PODXL: variants seen among roughly 807,000 people sequenced by gnomAD.
PODXL encodes podocalyxin like.
PODXL carries 20 observed loss-of-function variants against 48.9 expected under a neutral mutation model. The ratio of observed to expected loss-of-function variants is 0.41; its 90% CI spans 0.29 to 0.59. The LOEUF (loss-of-function observed/expected upper bound fraction) is 0.59, where lower values mean the gene tolerates loss of function less well. Ranked by LOEUF, PODXL falls within the 20% of genes least tolerant of loss-of-function variation. The pLI, the probability that PODXL is intolerant of heterozygous loss-of-function variation, is 0.31. For synonymous variants in PODXL, 295 were observed against 287.4 expected, an observed-to-expected ratio of 1.03 and a Z score of -0.27; for missense variants, 606 against 675.1, an observed-to-expected ratio of 0.90 and a Z score of 1.13.
Position 131,506,242 on chromosome 7 carries a change from A to T in PODXL, c.1311+18T>A. The T allele has an allele frequency of 6.2e-7, 1 of 1,613,452 alleles. No homozygotes were observed. Among genetic ancestry groups the T allele is most frequent in the Non-Finnish European group, 8.5e-7 (1 of 1,179,462 alleles). ...GGCTTCGGAGCCACTCTGTCCCCAC[A>T]CTTGGGGGGCCGCTTACCTCCTTTA... On this transcript the variant is annotated intron_variant, in intron 7 of 8. Coordinates refer to ENST00000378555, the MANE Select transcript of PODXL (RefSeq NM_001018111.3).
At position 131,506,246 on chromosome 7, in the gene PODXL, G is replaced by C. The variant is rs1279263781; in HGVS notation, c.1311+14C>G. ...TCGGAGCCACTCTGTCCCCACACTT[G>C]GGGGGCCGCTTACCTCCTTTAGTTC... On this transcript the variant is annotated intron_variant, in intron 7 of 8. Coordinates refer to ENST00000378555, the MANE Select transcript of PODXL (RefSeq NM_001018111.3). 6.2e-7 allele frequency: 1 copy of C among 1,613,242 alleles called. No homozygotes were observed. The highest frequency in any genetic ancestry group is 8.5e-7 in the Non-Finnish European group (1 of 1,179,154).
In PODXL at chr7:131,535,442, GCT is replaced by G. The variant is rs1228110675; in HGVS notation, c.100+20816_100+20817del. Among the ~76,000 whole-genome samples, 3 of 152,330 alleles carry G rather than the reference GCT, an allele frequency of 2.0e-5. No individual in the cohort carries two copies. The East Asian group carries it at 5.8e-4, about 29-fold the overall frequency. ...TGGGACACCAGTGTGACTGGGGGCAGCTTTCTCTCCATGGCCCTGTGTGCAGG... is the reference window on the plus strand; with the variant it reads ...TGGGACACCAGTGTGACTGGGGGCAGTTCTCTCCATGGCCCTGTGTGCAGG... On this transcript the variant is annotated intron_variant, in intron 1 of 8. Transcript: ENST00000378555.
chr7:131,548,265 G>T (rs1798613731), intron 1 of PODXL, among the ~76,000 whole-genome samples: 1 of 152,234 alleles, frequency 6.6e-6, no homozygotes, highest in African/African-American at 2.4e-5. Context: ...TCCAAGGTTT[G>T]CAGGGACCAG....
intron 1 of PODXL, among the ~76,000 whole-genome samples, chr7:131,555,121 ACTGCCCTT>A: frequency 6.6e-6 from 1 of 152,252 alleles, no homozygotes. Context: ...GAGAGACTGT[ACTGCCCTT>A]CCATCTCCCC....
At chr7:131,507,730 G>T (rs1356937912) in intron 5 of PODXL, among the ~76,000 whole-genome samples, 1 of 151,892 alleles carries the variant, frequency 6.6e-6, no homozygotes, top group African/African-American at 2.4e-5. Context: ...CCAAAAAGAG[G>T]GTCTGAGGAA....
chr7:131,556,406 G>C lies in PODXL; in HGVS notation c.-47C>G, dbSNP rs1798749057. On this transcript the variant is annotated 5_prime_UTR_variant, in exon 1 of 9. Coordinates refer to ENST00000378555, the MANE Select transcript of PODXL (RefSeq NM_001018111.3). ...GGAGCAGGTGGCTGCGGTGCCGGCG[G>C]AGGATCCGCGCGTCCGGGCGGTAGG... 4 of 1,335,194 alleles carry C rather than the reference G, an allele frequency of 3.0e-6. No individual in the cohort carries two copies. Among genetic ancestry groups the C allele is most frequent in the Non-Finnish European group, 3.8e-6 (4 of 1,044,494 alleles). The allele number at this position is 1,335,194 out of a possible 1,614,324, so 82.7% of individuals were successfully genotyped here. A position where few individuals can be genotyped will look rare whatever the true frequency, so the allele number is the denominator to read the frequency against.
intron 1 of PODXL, among the ~76,000 whole-genome samples, chr7:131,526,207 TA>T (rs60181385): frequency 0.74 from 111,663 of 151,780 alleles, 41,340 homozygotes; most frequent in East Asian, 0.99. Context: ...AAAGAAGTGC[TA>T]AAAAAAATAA....
chr7:131,524,018 C>T (rs1056370075), intron 1 of PODXL, among the ~76,000 whole-genome samples: 11 of 151,984 alleles, frequency 7.2e-5, no homozygotes, highest in Non-Finnish European at 1.3e-4. Context: ...AGGCTGGTCT[C>T]GAACTCCTGA....
intron 1 of PODXL, among the ~76,000 whole-genome samples, chr7:131,549,845 G>A (rs1798641724): frequency 1.3e-5 from 2 of 152,232 alleles, no homozygotes; most frequent in Admixed American, 1.3e-4. Flanking sequence ...ATTCCCAAGG[G>A]GAATAAGGCT....
At chr7:131,527,900 C>CTTTTTTT (rs759943507) in intron 1 of PODXL, among the ~76,000 whole-genome samples, 1 of 116,526 alleles carries the variant, frequency 8.6e-6, no homozygotes, top group African/African-American at 3.8e-5. Flanking sequence ...TAGTCAGACA[C>CTTTTTTT]TTTTTTTTTT....
chr7:131,525,165 G>C (rs766087700), intron 1 of PODXL, among the ~76,000 whole-genome samples: 56 of 152,248 alleles, frequency 3.7e-4, no homozygotes, highest in Middle Eastern at 6.8e-3. Flanking sequence ...TGCATCTGTT[G>C]AAACCCAAAG....
intron 1 of PODXL, among the ~76,000 whole-genome samples, chr7:131,511,887 C>T (rs1289742628): frequency 6.6e-6 from 1 of 152,186 alleles, no homozygotes; most frequent in Non-Finnish European, 1.5e-5. Flanking sequence ...CCCGTCCAGC[C>T]CCACACACAT....
At chr7:131,520,211 C>A in intron 1 of PODXL, 1 of 385,940 alleles carries the variant, frequency 2.6e-6, no homozygotes, top group Non-Finnish European at 5.1e-6. Context: ...GAGAATGCAC[C>A]ATCAACAATC....
intron 1 of PODXL, among the ~76,000 whole-genome samples, chr7:131,512,535 G>A (rs1229833785): frequency 1.3e-5 from 2 of 152,160 alleles, no homozygotes; most frequent in Non-Finnish European, 1.5e-5. Flanking sequence ...CAAAGCCCCC[G>A]AGTAGGGAAA....
chr7:131,544,643 GCACGCC>G (rs1562917758), intron 1 of PODXL, among the ~76,000 whole-genome samples: 3 of 17,612 alleles, frequency 1.7e-4, no homozygotes, highest in Non-Finnish European at 7.4e-4. Flanking sequence ...GCCTCCGCAC[GCACGCC>G]CTGTACTACG....
intron 3 of PODXL, among the ~76,000 whole-genome samples, 177 bp from the exon 4 acceptor site, chr7:131,509,762 G>T (rs1470407071): frequency 6.6e-6 from 1 of 152,038 alleles, no homozygotes; most frequent in South Asian, 2.1e-4. Flanking sequence ...CACAGCAGCC[G>T]CAGCAAACGT....
chr7:131,508,079 G>A (rs1213910435), intron 5 of PODXL, among the ~76,000 whole-genome samples: 3 of 152,204 alleles, frequency 2.0e-5, no homozygotes, highest in South Asian at 2.1e-4. Flanking sequence ...TCCAGCACCC[G>A]CCGCGCTCGG....
intron 1 of PODXL, among the ~76,000 whole-genome samples, chr7:131,516,966 T>TA (rs1798007513): frequency 6.6e-6 from 1 of 152,130 alleles, no homozygotes; most frequent in South Asian, 2.1e-4. Context: ...GTGATCCTTC[T>TA]ACCTCAGCCT....
chr7:131,533,457 C>T (rs532234051), intron 1 of PODXL, among the ~76,000 whole-genome samples: 1 of 152,308 alleles, frequency 6.6e-6, no homozygotes, highest in South Asian at 2.1e-4. Context: ...GCCCGGCACC[C>T]GCTGCTCCCT....
Sources: gnomAD v4.1 joint callset for allele counts (sites outside exome capture counted in the v4.1 genomes callset) on GRCh38, gnomAD v4.1.1 for gene constraint, MANE v1.5 for transcripts, NCBI Gene and HGNC (gene_info 2026-07-23, HGNC 2026-07-21) for gene names.